Variants in BLTP3B observed in about 807,000 individuals in gnomAD.
The protein encoded by BLTP3B is UHRF1 (ICBP90) binding protein 1-like.
chr12:100,069,923 T>A, the BLTP3B span: 1 of 1,098,594 alleles, frequency 9.1e-7, no homozygotes, highest in East Asian at 4.8e-5. Context: ...TGTTCAATGA[T>A]ATATTTTATT....
At chr12:100,081,631 A>G in the BLTP3B span, among the ~76,000 whole-genome samples, 4 of 152,202 alleles carry the variant, frequency 2.6e-5, no homozygotes, top group South Asian at 8.3e-4. Flanking sequence ...TGTGCACTCA[A>G]TGTGTAGCTC....
At chr12:100,044,706 T>C in the BLTP3B span, among the ~76,000 whole-genome samples, 1 of 152,188 alleles carries the variant, frequency 6.6e-6, no homozygotes, top group Non-Finnish European at 1.5e-5. Context: ...GGATGCCCTC[T>C]CTCATCATTC....
chr12:100,064,832 T>A, the BLTP3B span, among the ~76,000 whole-genome samples: 3 of 150,784 alleles, frequency 2.0e-5, no homozygotes, highest in Non-Finnish European at 3.0e-5. Flanking sequence ...CAGAACCTCT[T>A]TAAAGCATAA....
At chr12:100,104,451 AACTCGGC>A in the BLTP3B span, among the ~76,000 whole-genome samples, 1 of 151,540 alleles carries the variant, frequency 6.6e-6, no homozygotes, top group Non-Finnish European at 1.5e-5. Context: ...TGATCCACCC[AACTCGGC>A]CTCTCAAGGT....
chr12:100,083,506 G>C, the BLTP3B span, among the ~76,000 whole-genome samples: 1 of 152,114 alleles, frequency 6.6e-6, no homozygotes. Flanking sequence ...GTAAATTCTA[G>C]CATTTATAGG....
chr12:100,130,982 GGAGAGAGAGAGAGAGA>G, the BLTP3B span, among the ~76,000 whole-genome samples: 1,276 of 62,176 alleles, frequency 0.021, 12 homozygotes, highest in Admixed American at 0.023. Context: ...AGAGAGGGAG[GGAGAGAGAGAGAGAGA>G]GAGAGAGAGA....
the BLTP3B span, among the ~76,000 whole-genome samples, chr12:100,041,353 T>C: frequency 6.6e-6 from 1 of 151,512 alleles, no homozygotes; most frequent in Non-Finnish European, 1.5e-5. Context: ...TCTAATATGA[T>C]ACTTAGTGGT....
the BLTP3B span, among the ~76,000 whole-genome samples, chr12:100,053,186 T>C: frequency 6.6e-6 from 1 of 151,824 alleles, no homozygotes; most frequent in Non-Finnish European, 1.5e-5. Flanking sequence ...GGGTGGATTA[T>C]CTGAGGTCAG....
the BLTP3B span, chr12:100,037,438 C>A: frequency 2.3e-6 from 3 of 1,322,604 alleles, no homozygotes; most frequent in Non-Finnish European, 1.9e-6. Flanking sequence ...CCCCAAAACA[C>A]AAAACAACCA....
chr12:100,081,590 C>T, the BLTP3B span, among the ~76,000 whole-genome samples: 1 of 152,156 alleles, frequency 6.6e-6, no homozygotes, highest in African/African-American at 2.4e-5. Flanking sequence ...CAAGTAAGAC[C>T]CCATGTCTTC....
chr12:100,084,606 A>C, the BLTP3B span: 1 of 1,614,066 alleles, frequency 6.2e-7, no homozygotes, highest in Non-Finnish European at 8.5e-7. Flanking sequence ...TGGCCCATCC[A>C]TTTTTTGTTT....
chr12:100,097,833 G>A, the BLTP3B span, among the ~76,000 whole-genome samples: 46 of 152,278 alleles, frequency 3.0e-4, no homozygotes, highest in African/African-American at 1.1e-3. Context: ...ATTCTGAGTA[G>A]CTGAGAAGTT....
the BLTP3B span, among the ~76,000 whole-genome samples, chr12:100,130,340 G>A: frequency 7.2e-5 from 11 of 152,166 alleles, no homozygotes; most frequent in South Asian, 1.2e-3. Flanking sequence ...GTTGCATAGC[G>A]TTTTGCTTGT....
chr12:100,053,364 C>T, the BLTP3B span, among the ~76,000 whole-genome samples: 12 of 151,986 alleles, frequency 7.9e-5, no homozygotes, highest in African/African-American at 2.9e-4. Context: ...GCTGAAATCA[C>T]ACCACCGCAC....
chr12:100,125,569 G>A, the BLTP3B span, among the ~76,000 whole-genome samples: 6 of 152,022 alleles, frequency 3.9e-5, no homozygotes, highest in African/African-American at 9.7e-5. Context: ...GATCACTTAC[G>A]CCTGGGAGGT....
At chr12:100,039,693 C>T in the BLTP3B span, 22 of 1,613,914 alleles carry the variant, frequency 1.4e-5, no homozygotes, top group East Asian at 8.9e-5. Context: ...CGTGACACTG[C>T]GTTGTTTCTT....
chr12:100,082,741 T>C, the BLTP3B span, among the ~76,000 whole-genome samples: 1 of 143,402 alleles, frequency 7.0e-6, no homozygotes, highest in Non-Finnish European at 1.5e-5. Context: ...ATCTGTTCCA[T>C]TGGTCTATGC....
At chr12:100,081,750 T>A in the BLTP3B span, among the ~76,000 whole-genome samples, 2 of 151,326 alleles carry the variant, frequency 1.3e-5, no homozygotes, top group Admixed American at 1.3e-4. Flanking sequence ...CATGACTGCA[T>A]TCTTTTCATG....
the BLTP3B span, chr12:100,098,298 CT>C: frequency 6.7e-7 from 1 of 1,497,252 alleles, no homozygotes; most frequent in East Asian, 2.3e-5. Context: ...TTTAATCGTC[CT>C]CTTTTACTTG....
Sources: allele counts gnomAD v4.1 joint callset (sites outside exome capture counted in the v4.1 genomes callset), GRCh38; gene constraint gnomAD v4.1.1; transcripts MANE v1.5; gene names NCBI Gene and HGNC (gene_info 2026-07-23, HGNC 2026-07-21).